The following TMEM232 variants were observed in gnomAD, a reference collection of about 807,000 sequenced individuals.
TMEM232 encodes the protein transmembrane protein 232.
In TMEM232, 80 loss-of-function variants were observed where a neutral mutation model predicts 78.8. That is an observed-to-expected ratio of 1.01 (90% CI 0.85 to 1.22). TMEM232 has a LOEUF of 1.22. TMEM232 is among the 50% of genes most tolerant of loss of function. The probability of loss-of-function intolerance (pLI) is 0.00; values close to 1 mark genes in which losing one functional copy is unlikely to be tolerated. For missense variants in TMEM232, 881 were observed against 742.2 expected, an observed-to-expected ratio of 1.19 and a Z score of -2.17; for synonymous variants, 297 against 254.3, an observed-to-expected ratio of 1.17 and a Z score of -1.60.
intron 11 of TMEM232, among the ~76,000 whole-genome samples, chr5:110,538,249 T>C (rs1253545730): frequency 6.6e-6 from 1 of 152,178 alleles, no homozygotes; most frequent in Non-Finnish European, 1.5e-5. Context: ...AAAATATTAA[T>C]GGCACAGCAT....
chr5:110,455,800 A>AT (rs1158333404), intron 12 of TMEM232, among the ~76,000 whole-genome samples: 2 of 152,242 alleles, frequency 1.3e-5, no homozygotes, highest in African/African-American at 4.8e-5. Context: ...CTCTTTCAAC[A>AT]TTGAAAAAAT....
chr5:110,606,374 C>A lies in TMEM232; in HGVS notation c.903-87G>T. 4 of 1,299,688 alleles carry A rather than the reference C, an allele frequency of 3.1e-6. No individual in the cohort carries two copies. The South Asian group carries it at 7.4e-5, about 24-fold the overall frequency. 80.5% of individuals were successfully genotyped at this position (1,299,688 alleles called of 1,614,324 possible). On this transcript the variant is annotated intron_variant, in intron 8 of 13. Transcript: ENST00000455884. ...TTTAATGTGAAAAAATGAAATAGGT[C>A]AGAGGAAATGCATGTCTGCATTACC...
At chr5:110,606,956 A>C (rs1781615488) in intron 8 of TMEM232, among the ~76,000 whole-genome samples, 1 of 152,028 alleles carries the variant, frequency 6.6e-6, no homozygotes, top group Non-Finnish European at 1.5e-5. Flanking sequence ...AACAAATTAA[A>C]AATTACTTTG....
rs184747394 is a variant in TMEM232, at chr5:110,587,522, C to G, written c.1276+17587G>C. ...GACATTTTCTCTGTTAAAGGAAAGT[C>G]ATTACTACATTTAGTTGCCAACACA... On this transcript the variant is annotated intron_variant, in intron 10 of 13. Coordinates refer to ENST00000455884, the MANE Select transcript of TMEM232 (RefSeq NM_001039763.4). Among the ~76,000 whole-genome samples, 25 of 151,764 alleles carry G rather than the reference C, an allele frequency of 1.6e-4. No individual in the cohort carries two copies. In the East Asian group the frequency reaches 2.5e-3, roughly 15 times the overall value.
At chr5:110,724,419 G>C (rs27124) in intron 1 of TMEM232, among the ~76,000 whole-genome samples, 144,753 of 152,286 alleles carry the variant, frequency 0.95, 69,160 homozygotes, top group Non-Finnish European at 1. Flanking sequence ...TCTAAACTGT[G>C]TATAACTTAA....
chr5:110,449,202 G>T (rs537125613), intron 12 of TMEM232, among the ~76,000 whole-genome samples: 15 of 152,028 alleles, frequency 9.9e-5, no homozygotes, highest in African/African-American at 3.1e-4. Context: ...TTGAAAAATG[G>T]TATCTGTTAA....
chr5:110,466,674 G>A (rs371532306), intron 12 of TMEM232, among the ~76,000 whole-genome samples: 33 of 150,984 alleles, frequency 2.2e-4, no homozygotes, highest in African/African-American at 6.1e-4. Context: ...GTGCAGTGGC[G>A]CAATCTCGGC....
chr5:110,736,833 T>G (rs2150394143), intron 1 of TMEM232, among the ~76,000 whole-genome samples: 2 of 152,106 alleles, frequency 1.3e-5, no homozygotes, highest in Admixed American at 1.3e-4. Context: ...AGCTCTCATT[T>G]CCTATCACTT....
intron 10 of TMEM232, among the ~76,000 whole-genome samples, chr5:110,580,053 C>A (rs1000638883): frequency 6.6e-6 from 1 of 151,570 alleles, no homozygotes; most frequent in Non-Finnish European, 1.5e-5. Context: ...AGTCAAAAAA[C>A]GGTCACAATA....
intron 12 of TMEM232, among the ~76,000 whole-genome samples, chr5:110,503,033 C>A (rs1766445231): frequency 6.6e-6 from 1 of 152,072 alleles, no homozygotes; most frequent in Middle Eastern, 3.2e-3. Flanking sequence ...AGTTGGGGAG[C>A]ATATTTTTCT....
chr5:110,515,588 C>A (rs951013418), intron 12 of TMEM232, among the ~76,000 whole-genome samples: 1 of 152,308 alleles, frequency 6.6e-6, no homozygotes, highest in East Asian at 1.9e-4. Context: ...AACTCCAGCA[C>A]CCCTAATCAA....
chr5:110,451,988 C>G (rs1355034298), intron 12 of TMEM232, among the ~76,000 whole-genome samples: 1 of 152,066 alleles, frequency 6.6e-6, no homozygotes, highest in Non-Finnish European at 1.5e-5. Context: ...TTTTTGTTGA[C>G]TAGCTAAATA....
rs1489430154 is a variant in TMEM232, at chr5:110,735,904, TCTAAAATGA to T, written c.-125-898_-125-890del. Among the ~76,000 whole-genome samples the T allele has an allele frequency of 2.4e-4, 37 of 152,298 alleles. 1 individual carries two copies. Among genetic ancestry groups the T allele is most frequent in the Admixed American group, 2.1e-3 (32 of 15,298 alleles). ...CCAGCCCTAATCAAACTCAGTCATG[TCTAAAATGA>T]CTGCATTCCAAGTAGAAGTCTTAAC... On this transcript the variant is annotated intron_variant, in intron 1 of 4. Transcript: ENST00000512886.
chr5:110,522,880 T>A (rs191265957), intron 12 of TMEM232, among the ~76,000 whole-genome samples: 3 of 152,268 alleles, frequency 2.0e-5, no homozygotes, highest in Admixed American at 2.0e-4. Context: ...AATTCTCCTG[T>A]GGTGTCTTTG....
chr5:110,645,063 A>T (rs1787291885), intron 2 of TMEM232, among the ~76,000 whole-genome samples: 1 of 151,606 alleles, frequency 6.6e-6, no homozygotes, highest in Non-Finnish European at 1.5e-5. Context: ...ACACCAATAA[A>T]AAAAAAGATT....
intron 11 of TMEM232, among the ~76,000 whole-genome samples, chr5:110,533,321 A>G (rs1182861119): frequency 6.6e-6 from 1 of 152,138 alleles, no homozygotes; most frequent in East Asian, 1.9e-4. Flanking sequence ...ATCGTGTCCG[A>G]TTAATCTCCC....
At chr5:110,431,903 C>A (rs1198650690) in intron 12 of TMEM232, among the ~76,000 whole-genome samples, 1 of 151,580 alleles carries the variant, frequency 6.6e-6, no homozygotes, top group Admixed American at 6.6e-5. Flanking sequence ...ATGTTCCTAG[C>A]AGCATTGTTT....
intron 3 of TMEM232, among the ~76,000 whole-genome samples, chr5:110,393,169 A>G (rs1319534656): frequency 6.6e-6 from 1 of 152,228 alleles, no homozygotes; most frequent in Non-Finnish European, 1.5e-5. Flanking sequence ...AATGTCAATT[A>G]GGTGAAGTTA....
intron 12 of TMEM232, among the ~76,000 whole-genome samples, chr5:110,469,947 G>C (rs1016306529): frequency 6.6e-6 from 1 of 152,092 alleles, no homozygotes; most frequent in African/African-American, 2.4e-5. Flanking sequence ...CTTTGCCAAA[G>C]AGTGGAGTCA....
Sources: gnomAD v4.1 joint callset for allele counts (sites outside exome capture counted in the v4.1 genomes callset) on GRCh38, gnomAD v4.1.1 for gene constraint, MANE v1.5 for transcripts, NCBI Gene and HGNC (gene_info 2026-07-23, HGNC 2026-07-21) for gene names.